Variants in NUDT3 observed in about 807,000 individuals in gnomAD.
The protein encoded by NUDT3 is nudix hydrolase 3.
In NUDT3, 9 loss-of-function variants were observed where a neutral mutation model predicts 23.6. The observed-to-expected ratio is 0.38, with a 90% CI of 0.23 to 0.66. The LOEUF (loss-of-function observed/expected upper bound fraction) is 0.66, where lower values mean the gene tolerates loss of function less well. NUDT3 is among the 30% of genes least tolerant of loss of function. The probability of loss-of-function intolerance (pLI) is 0.52; values close to 1 mark genes in which losing one functional copy is unlikely to be tolerated. For missense variants in NUDT3, 172 were observed against 218.5 expected, an observed-to-expected ratio of 0.79 and a Z score of 1.34; for synonymous variants, 86 against 82.6, an observed-to-expected ratio of 1.04 and a Z score of -0.22.
intron 2 of NUDT3, among the ~76,000 whole-genome samples, chr6:34,299,600 ATTT>A (rs147548768): frequency 0.034 from 4,705 of 137,054 alleles, 171 homozygotes; most frequent in African/African-American, 0.091. Context: ...ATTTTCTTGA[ATTT>A]TTTTTTTTTT....
At chr6:34,346,413 GCTGA>G (rs1764370384) in intron 1 of NUDT3, among the ~76,000 whole-genome samples, 1 of 152,130 alleles carries the variant, frequency 6.6e-6, no homozygotes, top group African/African-American at 2.4e-5. Context: ...TGCTTCAAAG[GCTGA>G]CTAAGGCCAT....
intron 2 of NUDT3, among the ~76,000 whole-genome samples, chr6:34,335,715 T>TAA (rs201954004): frequency 1.1e-3 from 159 of 143,834 alleles, no homozygotes; most frequent in African/African-American, 3.4e-3. Context: ...CAGGAGTTTG[T>TAA]AAAAAAAAAA....
At chr6:34,326,908 G>C (rs1404965894) in intron 2 of NUDT3, among the ~76,000 whole-genome samples, 1 of 152,110 alleles carries the variant, frequency 6.6e-6, no homozygotes, top group Admixed American at 6.6e-5. Flanking sequence ...GCCCTACGGG[G>C]CTTGACGGGT....
chr6:34,392,503 C>G lies in NUDT3; in HGVS notation c.-141G>C, dbSNP rs1027548365. 30 of 511,864 alleles carry G rather than the reference C, an allele frequency of 5.9e-5. No individual in the cohort carries two copies. The highest frequency in any genetic ancestry group is 9.4e-5 in the Non-Finnish European group (28 of 296,834). 31.7% of individuals were successfully genotyped at this position (511,864 alleles called of 1,614,324 possible). On this transcript the variant is annotated 5_prime_UTR_variant, in exon 1 of 5. Coordinates refer to ENST00000607016, the MANE Select transcript of NUDT3 (RefSeq NM_006703.4). Reference sequence around the variant, plus strand: ...GGAGCTTCTCCGCTACACGGCTCCGCCGCTGGCCCGCCGCGGCCGCCTCAT... The same window carrying G: ...GGAGCTTCTCCGCTACACGGCTCCGGCGCTGGCCCGCCGCGGCCGCCTCAT...
intron 2 of NUDT3, among the ~76,000 whole-genome samples, chr6:34,333,208 T>C (rs1764156371): frequency 6.6e-6 from 1 of 152,166 alleles, no homozygotes; most frequent in Non-Finnish European, 1.5e-5. Context: ...ATTTTAGCCC[T>C]CCCCTTACAT....
At chr6:34,289,506 G>A (rs1171346663) in intron 4 of NUDT3, among the ~76,000 whole-genome samples, 1 of 152,200 alleles carries the variant, frequency 6.6e-6, no homozygotes, top group South Asian at 2.1e-4. Flanking sequence ...GGTCGCGGCT[G>A]CAGTGAGCTG....
chr6:34,326,917 GTGT>G (rs1160980549), intron 2 of NUDT3, among the ~76,000 whole-genome samples: 1 of 152,082 alleles, frequency 6.6e-6, no homozygotes, highest in Non-Finnish European at 1.5e-5. Context: ...GGCTTGACGG[GTGT>G]TCTCCCCGTG....
intron 2 of NUDT3, among the ~76,000 whole-genome samples, chr6:34,307,074 AT>A (rs920265934): frequency 2.1e-4 from 32 of 152,250 alleles, no homozygotes; most frequent in African/African-American, 7.7e-4. Context: ...AAGCAAAAAC[AT>A]TTATATCATT....
rs1259788745 is a variant in NUDT3, at chr6:34,280,676, T to A, written c.*8077A>T. ...AGGAGATCTATATATGCTCTCATCC[T>A]GCAACCCAAGAGATTAGGTGACCTA... is the stretch of plus-strand genomic sequence containing the variant. On this transcript the variant is annotated 3_prime_UTR_variant, in exon 5 of 5. Coordinates refer to ENST00000607016, the MANE Select transcript of NUDT3 (RefSeq NM_006703.4). 3.9e-5 allele frequency: 6 copies of A among 152,242 alleles called. No homozygotes were observed. The highest frequency in any genetic ancestry group is 8.8e-5 in the Non-Finnish European group (6 of 68,046). 9.4% of individuals were successfully genotyped at this position (152,242 alleles called of 1,614,324 possible).
chr6:34,305,897 T>A (rs1403082145), intron 2 of NUDT3, among the ~76,000 whole-genome samples: 3 of 152,232 alleles, frequency 2.0e-5, no homozygotes, highest in Non-Finnish European at 4.4e-5. Context: ...TCTATAATAC[T>A]GATGATGCTC....
At chr6:34,378,031 G>A (rs541995972) in intron 1 of NUDT3, among the ~76,000 whole-genome samples, 32 of 152,022 alleles carry the variant, frequency 2.1e-4, no homozygotes, top group Non-Finnish European at 3.2e-4. Context: ...AAATGGCCAG[G>A]TGCAGCGGCT....
intron 2 of NUDT3, among the ~76,000 whole-genome samples, chr6:34,331,451 T>C (rs1486741575): frequency 6.6e-6 from 1 of 152,162 alleles, no homozygotes; most frequent in Non-Finnish European, 1.5e-5. Flanking sequence ...GTACAAAAAC[T>C]TGAAGGAGGG....
chr6:34,292,157 C>T lies in NUDT3; in HGVS notation c.340+1294G>A, dbSNP rs143842623. Among the ~76,000 whole-genome samples the T allele has an allele frequency of 9.5e-4, 145 of 152,290 alleles. 2 individuals are homozygous for T. In the East Asian group the frequency reaches 0.024, roughly 26 times the overall value. ...CATCCACCGCAGTCTCCTTTTCAAG[C>T]TCTAGCACACCTGTTAGGGAGTCTG... On this transcript the variant is annotated intron_variant, in intron 4 of 4. Coordinates refer to ENST00000607016, the MANE Select transcript of NUDT3 (RefSeq NM_006703.4).
intron 1 of NUDT3, 151 bp from the exon 2 acceptor site, chr6:34,342,123 T>C (rs1561912360): frequency 1.4e-6 from 1 of 695,548 alleles, no homozygotes; most frequent in Non-Finnish European, 2.3e-6. Flanking sequence ...TAGCTTTCGT[T>C]TCTATTTGAA....
At chr6:34,334,312 T>G (rs1244704591) in intron 2 of NUDT3, among the ~76,000 whole-genome samples, 2 of 152,140 alleles carry the variant, frequency 1.3e-5, no homozygotes, top group Non-Finnish European at 2.9e-5. Context: ...GCACTTGAGA[T>G]ATGTGTTGAG....
At chr6:34,297,527 G>A (rs1763518822) in intron 2 of NUDT3, among the ~76,000 whole-genome samples, 1 of 150,658 alleles carries the variant, frequency 6.6e-6, no homozygotes, top group Non-Finnish European at 1.5e-5. Context: ...GAGCCTTGGG[G>A]GACAGAGGTA....
chr6:34,382,856 G>A (rs569781822), intron 1 of NUDT3, among the ~76,000 whole-genome samples: 9 of 151,690 alleles, frequency 5.9e-5, no homozygotes, highest in Admixed American at 1.3e-4. Context: ...GGCCGGGCGC[G>A]GTGGTTCTCA....
At chr6:34,309,505 T>C (rs976112886) in intron 2 of NUDT3, among the ~76,000 whole-genome samples, 1 of 151,952 alleles carries the variant, frequency 6.6e-6, no homozygotes, top group Non-Finnish European at 1.5e-5. Context: ...TAAATCCAAG[T>C]AAGCATAAGA....
chr6:34,320,501 C>T (rs1431201274), intron 2 of NUDT3, among the ~76,000 whole-genome samples: 1 of 152,052 alleles, frequency 6.6e-6, no homozygotes, highest in South Asian at 2.1e-4. Context: ...GGATTACAGG[C>T]GTGAGCCACT....
Sources: gnomAD v4.1 joint callset for allele counts (sites outside exome capture counted in the v4.1 genomes callset) on GRCh38, gnomAD v4.1.1 for gene constraint, MANE v1.5 for transcripts, NCBI Gene and HGNC (gene_info 2026-07-23, HGNC 2026-07-21) for gene names.